The following DGKB variants were observed in gnomAD, a reference collection of about 807,000 sequenced individuals.
DGKB encodes 90 kDa diacylglycerol kinase.
Under a neutral mutation model 114.3 loss-of-function variants are expected in DGKB, and 67 were observed. The ratio of observed to expected loss-of-function variants is 0.59; its 90% CI spans 0.48 to 0.72. The LOEUF (loss-of-function observed/expected upper bound fraction) is 0.72. DGKB is among the 30% of genes least tolerant of loss of function. The probability of loss-of-function intolerance (pLI) is 0.00; values close to 1 mark genes in which losing one functional copy is unlikely to be tolerated. For missense variants in DGKB, 907 were observed against 975.2 expected, an observed-to-expected ratio of 0.93 and a Z score of 0.93; for synonymous variants, 398 against 323.1, an observed-to-expected ratio of 1.23 and a Z score of -2.49.
chr7:14,904,431 A>C (rs1467674069), upstream of DGKB, among the ~76,000 whole-genome samples: 1 of 152,156 alleles, frequency 6.6e-6, no homozygotes, highest in African/African-American at 2.4e-5. Context: ...GGGTTAAATT[A>C]AACAGAGGGG....
At chr7:14,203,632 T>C (rs771060098) in intron 23 of DGKB, among the ~76,000 whole-genome samples, 22 of 152,080 alleles carry the variant, frequency 1.4e-4, no homozygotes, top group Admixed American at 2.6e-4. Flanking sequence ...ACCATTCACA[T>C]TGTGGTCTAA....
At chr7:14,941,522 CA>C (rs1785571478) in intron 1 of DGKB, among the ~76,000 whole-genome samples, 1 of 151,970 alleles carries the variant, frequency 6.6e-6, no homozygotes, top group Non-Finnish European at 1.5e-5. Flanking sequence ...GTGTTCATTC[CA>C]AAAATTGTAT....
chr7:14,669,701 T>G (rs1295898695), intron 13 of DGKB, among the ~76,000 whole-genome samples: 1 of 152,206 alleles, frequency 6.6e-6, no homozygotes, highest in Non-Finnish European at 1.5e-5. Context: ...TGTTTTGGAC[T>G]GAGCTCCTAC....
At chr7:14,772,446 G>A (rs1444751523) in intron 2 of DGKB, among the ~76,000 whole-genome samples, 2 of 152,088 alleles carry the variant, frequency 1.3e-5, no homozygotes. Context: ...TGGTGTGGAG[G>A]ACTGTCTTAC....
intron 23 of DGKB, among the ~76,000 whole-genome samples, chr7:14,276,826 T>C (rs189715964): frequency 2.0e-5 from 3 of 151,920 alleles, no homozygotes; most frequent in African/African-American, 7.2e-5. Flanking sequence ...TTTATATTTT[T>C]AAAATTATTA....
chr7:14,590,277 A>G (rs1302924782), intron 17 of DGKB, among the ~76,000 whole-genome samples: 1 of 151,788 alleles, frequency 6.6e-6, no homozygotes, highest in African/African-American at 2.4e-5. Context: ...TTCCAGCTAT[A>G]CTTCTGTAGC....
At chr7:14,867,944 G>C (rs1473831473) in intron 1 of DGKB, among the ~76,000 whole-genome samples, 1 of 152,132 alleles carries the variant, frequency 6.6e-6, no homozygotes, top group Non-Finnish European at 1.5e-5. Context: ...CTGCATTCTT[G>C]AGGTGCTCCC....
At chr7:14,459,552 A>C (rs897035934) in intron 21 of DGKB, among the ~76,000 whole-genome samples, 11 of 152,132 alleles carry the variant, frequency 7.2e-5, no homozygotes, top group African/African-American at 2.4e-4. Context: ...AAGATTAGAG[A>C]AAAAAGAATG....
intron 21 of DGKB, among the ~76,000 whole-genome samples, chr7:14,378,850 T>C (rs2128673502): frequency 6.6e-6 from 1 of 152,246 alleles, no homozygotes; most frequent in East Asian, 1.9e-4. Context: ...TAGATGATTA[T>C]GCAAATAGAA....
intron 21 of DGKB, among the ~76,000 whole-genome samples, chr7:14,400,823 A>C (rs1209380563): frequency 6.6e-6 from 1 of 151,766 alleles, no homozygotes; most frequent in African/African-American, 2.4e-5. Flanking sequence ...TTATTGAAAA[A>C]CAGAAATGCC....
chr7:14,564,064 A>G (rs1193914728), intron 20 of DGKB, among the ~76,000 whole-genome samples: 5 of 152,168 alleles, frequency 3.3e-5, no homozygotes, highest in Admixed American at 6.5e-5. Flanking sequence ...TTGTGTGATG[A>G]ACTCATGGAG....
In DGKB at chr7:14,621,611, ATT is replaced by A. The variant is rs139045218; in HGVS notation, c.1168-119_1168-118del. The A allele has an allele frequency of 9.1e-3, 5,707 of 625,742 alleles. 230 individuals are homozygous for A. In the African/African-American group the frequency reaches 0.094, roughly 10 times the overall value. The allele number at this position is 625,742 out of a possible 1,614,324, so 38.8% of individuals were successfully genotyped here. On this transcript the variant is annotated intron_variant, in intron 14 of 25. Coordinates refer to ENST00000402815, the MANE Select transcript of DGKB (RefSeq NM_001350709.2). ...TTACAAACACAGGCTCAACTTTCTA[ATT>A]TGAAGTTCCTAGTGAATAATATGAA...
intron 20 of DGKB, among the ~76,000 whole-genome samples, chr7:14,522,061 G>A (rs1789869152): frequency 1.3e-5 from 2 of 152,098 alleles, no homozygotes; most frequent in Admixed American, 6.6e-5. Flanking sequence ...GTGTGGTAGT[G>A]TGTTGCTGTT....
At chr7:14,689,209 T>TTTTTTTTTTTTTA (rs1822331651) in intron 9 of DGKB, among the ~76,000 whole-genome samples, 1 of 123,786 alleles carries the variant, frequency 8.1e-6, no homozygotes, top group Non-Finnish European at 1.7e-5. Flanking sequence ...ATTTTTTTTT[T>TTTTTTTTTTTTTA]TTTTTTTTTT....
At chr7:14,215,010 C>T (rs1417381583) in intron 23 of DGKB, among the ~76,000 whole-genome samples, 3 of 152,108 alleles carry the variant, frequency 2.0e-5, no homozygotes, top group Non-Finnish European at 4.4e-5. Flanking sequence ...AAGTGAAAGT[C>T]CAAGAAGTTC....
At chr7:14,266,847 C>A (rs954543314) in intron 23 of DGKB, among the ~76,000 whole-genome samples, 22 of 152,114 alleles carry the variant, frequency 1.4e-4, no homozygotes, top group African/African-American at 5.3e-4. Context: ...TAACCAATTT[C>A]TTTGATATTA....
chr7:14,456,586 T>G (rs543114723), intron 21 of DGKB, among the ~76,000 whole-genome samples: 2 of 152,092 alleles, frequency 1.3e-5, no homozygotes, highest in Non-Finnish European at 2.9e-5. Context: ...ACCTAATGCT[T>G]TACCTGAGAA....
intron 1 of DGKB, among the ~76,000 whole-genome samples, chr7:14,895,920 A>G (rs985977267): frequency 2.0e-5 from 3 of 151,752 alleles, no homozygotes; most frequent in Non-Finnish European, 4.4e-5. Flanking sequence ...AACAAGAAAC[A>G]CTTCCTTATA....
At chr7:14,629,499 T>C (rs10278943) in intron 14 of DGKB, among the ~76,000 whole-genome samples, 4,187 of 152,092 alleles carry the variant, frequency 0.028, 185 homozygotes, top group African/African-American at 0.096. Context: ...TTATGTAGCA[T>C]TCATATAAGC....
Sources: allele counts gnomAD v4.1 joint callset (sites outside exome capture counted in the v4.1 genomes callset), GRCh38; gene constraint gnomAD v4.1.1; transcripts MANE v1.5; gene names NCBI Gene and HGNC (gene_info 2026-07-23, HGNC 2026-07-21).